The following SH3RF3 variants were observed in gnomAD, a reference collection of about 807,000 sequenced individuals.
SH3RF3 encodes the protein E3 ubiquitin-protein ligase SH3RF3.
SH3RF3 carries 29 observed loss-of-function variants against 66.3 expected under a neutral mutation model. That is an observed-to-expected ratio of 0.44 (90% CI 0.33 to 0.60). SH3RF3 has a LOEUF of 0.60. Ranked by LOEUF, SH3RF3 falls within the 20% of genes least tolerant of loss-of-function variation. The pLI, the probability that SH3RF3 is intolerant of heterozygous loss-of-function variation, is 0.04. For synonymous variants in SH3RF3, 583 were observed against 532.0 expected (o/e 1.10, Z -1.32); for missense variants, 1,194 against 1,190.9 (o/e 1.00, Z -0.04).
chr2:109,374,906 C>A (rs534957576), intron 3 of SH3RF3, among the ~76,000 whole-genome samples: 1 of 152,204 alleles, frequency 6.6e-6, no homozygotes, highest in Non-Finnish European at 1.5e-5. Context: ...ACAAAGTAAA[C>A]GAGAGTGTGC....
intron 1 of SH3RF3, among the ~76,000 whole-genome samples, chr2:109,277,852 T>G (rs994326205): frequency 5.9e-5 from 9 of 152,204 alleles, no homozygotes; most frequent in Non-Finnish European, 1.0e-4. Flanking sequence ...TAGACTTTGC[T>G]GTGAATTACA....
chr2:109,287,552 C>T (rs1681056493), intron 1 of SH3RF3, among the ~76,000 whole-genome samples: 1 of 152,214 alleles, frequency 6.6e-6, no homozygotes, highest in Non-Finnish European at 1.5e-5. Flanking sequence ...CCACCCTCCC[C>T]CTTGACCCTG....
At chr2:109,433,544 C>T (rs1268760639) in intron 6 of SH3RF3, among the ~76,000 whole-genome samples, 1 of 152,188 alleles carries the variant, frequency 6.6e-6, no homozygotes, top group Non-Finnish European at 1.5e-5. Flanking sequence ...CACACAGAAG[C>T]GAAAGACGTG....
Position 109,246,140 on chromosome 2 carries a change from T to C in SH3RF3, c.574-101534T>C, listed in dbSNP as rs142637511. Among the ~76,000 whole-genome samples the C allele has an allele frequency of 4.0e-3, 604 of 152,366 alleles. 5 individuals are homozygous for C. Among genetic ancestry groups the C allele is most frequent in the African/African-American group, 0.014 (575 of 41,590 alleles). ...TTGTGAAGTGGGAGGATACCTGCTTTGCAGGGTGGTTGTGAGGTTGACAGA... is the reference window on the plus strand; with the variant it reads ...TTGTGAAGTGGGAGGATACCTGCTTCGCAGGGTGGTTGTGAGGTTGACAGA... On this transcript the variant is annotated intron_variant, in intron 1 of 9. Coordinates refer to ENST00000309415, the MANE Select transcript of SH3RF3 (RefSeq NM_001099289.3).
chr2:109,472,316 G>A (rs997210825), intron 8 of SH3RF3, among the ~76,000 whole-genome samples: 2 of 152,034 alleles, frequency 1.3e-5, no homozygotes, highest in East Asian at 1.9e-4. Flanking sequence ...GGGGCCTCCC[G>A]GGCCCTCCTC....
At chr2:109,483,954 C>T (rs1347564336) in intron 8 of SH3RF3, among the ~76,000 whole-genome samples, 1 of 152,170 alleles carries the variant, frequency 6.6e-6, no homozygotes, top group South Asian at 2.1e-4. Flanking sequence ...CCCCCGCCAT[C>T]CCTGTGCCTC....
chr2:109,231,956 C>T (rs1264789467), intron 1 of SH3RF3, among the ~76,000 whole-genome samples: 1 of 152,196 alleles, frequency 6.6e-6, no homozygotes, highest in African/African-American at 2.4e-5. Context: ...TGTCCATCAC[C>T]ACAATACATT....
intron 3 of SH3RF3, among the ~76,000 whole-genome samples, chr2:109,392,437 TA>T (rs1230576400): frequency 3.3e-5 from 5 of 152,230 alleles, no homozygotes; most frequent in Non-Finnish European, 7.4e-5. Flanking sequence ...GTGGTGGATA[TA>T]AGGGTCTGAT....
At chr2:109,423,758 C>T (rs1467864011) in intron 5 of SH3RF3, among the ~76,000 whole-genome samples, 1 of 152,120 alleles carries the variant, frequency 6.6e-6, no homozygotes, top group Non-Finnish European at 1.5e-5. Context: ...CCAGGCATGG[C>T]GGCACCGTCC....
intron 2 of SH3RF3, among the ~76,000 whole-genome samples, chr2:109,370,190 GGTCTCTGTCTCTGTCTCTGTCTCT>G (rs10625245): frequency 1.4e-5 from 2 of 147,330 alleles, no homozygotes; most frequent in South Asian, 4.5e-4. Flanking sequence ...TTGCTGTGGT[GGTCTCTGTCTCTGTCTCTGTCTCT>G]GTCTCTGTCT....
intron 1 of SH3RF3, among the ~76,000 whole-genome samples, chr2:109,143,240 A>G (rs3749060): frequency 0.058 from 8,838 of 152,278 alleles, 320 homozygotes; most frequent in East Asian, 0.12. Flanking sequence ...AACAAATTTA[A>G]ATAAAAAGTG....
intron 3 of SH3RF3, among the ~76,000 whole-genome samples, chr2:109,397,455 T>A (rs58673209): frequency 0.047 from 7,100 of 151,970 alleles, 537 homozygotes; most frequent in African/African-American, 0.16. Context: ...CAATAAAGAG[T>A]TCCCTCTGCT....
At chr2:109,270,065 G>T (rs145489902) in intron 1 of SH3RF3, among the ~76,000 whole-genome samples, 7 of 152,220 alleles carry the variant, frequency 4.6e-5, no homozygotes, top group African/African-American at 9.7e-5. Context: ...GCAGGATGCC[G>T]TGAGCTTGGC....
intron 7 of SH3RF3, among the ~76,000 whole-genome samples, chr2:109,438,868 C>T (rs766354059): frequency 5.3e-5 from 8 of 152,182 alleles, no homozygotes; most frequent in Non-Finnish European, 1.2e-4. Flanking sequence ...AGCAAAAGTC[C>T]CAGGCCAGGT....
chr2:109,498,114 C>T (rs2104407231), intron 9 of SH3RF3, among the ~76,000 whole-genome samples: 1 of 152,318 alleles, frequency 6.6e-6, no homozygotes, highest in East Asian at 1.9e-4. Context: ...CACAGAGACG[C>T]TGAGCTGGGA....
At chr2:109,135,240 C>T (rs1348879749) in intron 1 of SH3RF3, among the ~76,000 whole-genome samples, 1 of 152,210 alleles carries the variant, frequency 6.6e-6, no homozygotes, top group Non-Finnish European at 1.5e-5. Context: ...GTGTTGCCTC[C>T]CAGGCTGGTG....
chr2:109,375,881 T>C (rs1177608090), intron 3 of SH3RF3, among the ~76,000 whole-genome samples: 1 of 152,214 alleles, frequency 6.6e-6, no homozygotes, highest in African/African-American at 2.4e-5. Flanking sequence ...TTCAGGGCGA[T>C]GCGGGCTTCA....
chr2:109,472,614 A>G lies in SH3RF3; in HGVS notation c.2149-17991A>G, dbSNP rs577146585. 2.6e-5 allele frequency among the ~76,000 whole-genome samples: 4 copies of G among 152,344 alleles called. No homozygotes were observed. In the East Asian group the frequency reaches 5.8e-4, roughly 22 times the overall value. On this transcript the variant is annotated intron_variant, in intron 8 of 9. Transcript: ENST00000309415. ...TGATTTCCATCCATCTGTTTCATTT[A>G]AAAACAAAATTCAGGAAGTGAGCTT...
intron 1 of SH3RF3, among the ~76,000 whole-genome samples, chr2:109,229,106 C>T (rs1679439723): frequency 2.0e-5 from 3 of 152,260 alleles, no homozygotes; most frequent in East Asian, 1.9e-4. Flanking sequence ...AATATCAGAA[C>T]AAAAGATACT....
Sources: gnomAD v4.1 joint callset for allele counts (sites outside exome capture counted in the v4.1 genomes callset) on GRCh38, gnomAD v4.1.1 for gene constraint, MANE v1.5 for transcripts, NCBI Gene and HGNC (gene_info 2026-07-23, HGNC 2026-07-21) for gene names.